Variants in TGFA observed in about 807,000 individuals in gnomAD.
TGFA encodes transforming growth factor alpha.
Under a neutral mutation model 21.7 loss-of-function variants are expected in TGFA, and 12 were observed. The ratio of observed to expected loss-of-function variants is 0.55; its 90% CI spans 0.35 to 0.90. The LOEUF (loss-of-function observed/expected upper bound fraction) is 0.90, where lower values mean the gene tolerates loss of function less well. TGFA is among the 40% of genes least tolerant of loss of function. The pLI, the probability that TGFA is intolerant of heterozygous loss-of-function variation, is 0.01. For missense variants in TGFA, 178 were observed against 210.8 expected, an observed-to-expected ratio of 0.84 and a Z score of 0.96; for synonymous variants, 79 against 88.1, an observed-to-expected ratio of 0.90 and a Z score of 0.58.
chr2:70,493,401 G>A (rs1482077876), intron 2 of TGFA, among the ~76,000 whole-genome samples: 1 of 152,136 alleles, frequency 6.6e-6, no homozygotes, highest in African/African-American at 2.4e-5. Flanking sequence ...AGTGATTTTA[G>A]CATAGGAGTC....
At chr2:70,508,714 C>G (rs1355171004) in intron 2 of TGFA, among the ~76,000 whole-genome samples, 2 of 152,200 alleles carry the variant, frequency 1.3e-5, no homozygotes, top group Non-Finnish European at 2.9e-5. Flanking sequence ...CTAAACTATT[C>G]AATTCCACTT....
At chr2:70,504,469 C>T (rs6753169) in intron 2 of TGFA, among the ~76,000 whole-genome samples, 2,300 of 79,188 alleles carry the variant, frequency 0.029, 111 homozygotes, top group African/African-American at 0.077. Flanking sequence ...TATATACACA[C>T]ATACATACAT....
intron 2 of TGFA, among the ~76,000 whole-genome samples, chr2:70,510,491 C>T (rs1672061100): frequency 6.6e-6 from 1 of 152,078 alleles, no homozygotes; most frequent in African/African-American, 2.4e-5. Flanking sequence ...GATTCAAGTC[C>T]AATAGATGAG....
In TGFA at chr2:70,547,855, CTA is replaced by C. The variant is rs1372697395; in HGVS notation, c.40+5871_40+5872del. Among the ~76,000 whole-genome samples, 4 of 144,696 alleles carry C rather than the reference CTA, an allele frequency of 2.8e-5. No homozygotes were observed. In the East Asian group the frequency reaches 7.3e-4, roughly 26 times the overall value. 94.9% of individuals were successfully genotyped at this position (144,696 alleles called of 152,430 possible). A position where few individuals can be genotyped will look rare whatever the true frequency, so the allele number is the denominator to read the frequency against. On this transcript the variant is annotated intron_variant, in intron 1 of 5. Coordinates refer to ENST00000295400, the MANE Select transcript of TGFA (RefSeq NM_003236.4). ...TAGATATATATAGAGATATATATAT[CTA>C]TATATAGAGAGATATATATATCTAT...
intron 2 of TGFA, among the ~76,000 whole-genome samples, chr2:70,507,209 G>T (rs1305960208): frequency 6.6e-6 from 1 of 152,238 alleles, no homozygotes; most frequent in Non-Finnish European, 1.5e-5. Flanking sequence ...CTGCAAGGCC[G>T]AGGCAGCCTG....
At chr2:70,494,908 C>T (rs782337066) in intron 2 of TGFA, among the ~76,000 whole-genome samples, 10 of 152,176 alleles carry the variant, frequency 6.6e-5, no homozygotes, top group East Asian at 3.9e-4. Context: ...CTAGCAAATA[C>T]GGATTTTATT....
chr2:70,542,622 G>T (rs1363059699), intron 1 of TGFA, among the ~76,000 whole-genome samples: 1 of 152,162 alleles, frequency 6.6e-6, no homozygotes, highest in African/African-American at 2.4e-5. Flanking sequence ...GGTTTTTAAG[G>T]TGTATTTGGA....
At chr2:70,482,491 T>C (rs1242225795) in intron 2 of TGFA, among the ~76,000 whole-genome samples, 2 of 152,172 alleles carry the variant, frequency 1.3e-5, no homozygotes, top group African/African-American at 4.8e-5. Context: ...AGAACTTAGT[T>C]CTCCATCAAT....
intron 4 of TGFA, 107 bp downstream of exon 4, chr2:70,456,223 TCAGACATCC>T: frequency 7.4e-7 from 1 of 1,357,624 alleles, no homozygotes; most frequent in Non-Finnish European, 9.9e-7. Flanking sequence ...CTGACAGCAC[TCAGACATCC>T]CAGAAATAAG....
intron 2 of TGFA, among the ~76,000 whole-genome samples, chr2:70,497,343 T>C (rs1178170979): frequency 6.6e-6 from 1 of 152,240 alleles, no homozygotes; most frequent in Non-Finnish European, 1.5e-5. Flanking sequence ...TTTTAACTAT[T>C]TTCTTTGCAA....
chr2:70,526,022 T>TG (rs1443595822), intron 1 of TGFA, among the ~76,000 whole-genome samples: 3 of 152,210 alleles, frequency 2.0e-5, no homozygotes, highest in Admixed American at 6.5e-5. Flanking sequence ...CAACTGTATA[T>TG]GGGCAGATGT....
intron 1 of TGFA, among the ~76,000 whole-genome samples, chr2:70,544,344 A>G (rs1412599845): frequency 6.6e-6 from 1 of 151,822 alleles, no homozygotes; most frequent in African/African-American, 2.4e-5. Context: ...ATATTTAATA[A>G]GAGATTAAAA....
chr2:70,518,715 AC>A (rs781872517), intron 1 of TGFA, among the ~76,000 whole-genome samples: 17 of 151,898 alleles, frequency 1.1e-4, no homozygotes, highest in Non-Finnish European at 2.2e-4. Flanking sequence ...ATCATCAACC[AC>A]CCATTGGCCT....
chr2:70,532,538 A>T (rs561322130), intron 1 of TGFA, among the ~76,000 whole-genome samples: 2 of 152,322 alleles, frequency 1.3e-5, no homozygotes, highest in East Asian at 3.9e-4. Context: ...CCTCTTCCTC[A>T]TTCACAAGGG....
intron 1 of TGFA, among the ~76,000 whole-genome samples, chr2:70,546,744 G>C (rs1233655724): frequency 6.6e-6 from 1 of 151,990 alleles, no homozygotes; most frequent in African/African-American, 2.4e-5. Context: ...AGCCATGGTG[G>C]GAGTCTCACT....
At position 70,519,338 on chromosome 2, in the gene TGFA, T is replaced by C. The variant is rs145707528; in HGVS notation, c.41-4426A>G. On this transcript the variant is annotated intron_variant, in intron 1 of 5. Coordinates refer to ENST00000295400, the MANE Select transcript of TGFA (RefSeq NM_003236.4). ...CCACACAGAACCCAGGGCCAGATAG[T>C]ATAGGTTCATGGCATCTTCCCTTAT... is the stretch of plus-strand genomic sequence containing the variant. Among the ~76,000 whole-genome samples, 58 of 152,296 alleles carry C rather than the reference T, an allele frequency of 3.8e-4. No homozygotes were observed. In the East Asian group the frequency reaches 0.011, roughly 28 times the overall value.
intron 1 of TGFA, among the ~76,000 whole-genome samples, chr2:70,551,903 G>C (rs1673522793): frequency 6.6e-6 from 1 of 152,134 alleles, no homozygotes; most frequent in African/African-American, 2.4e-5. Context: ...GAGAATTCTG[G>C]GATGGGAGTG....
intron 1 of TGFA, among the ~76,000 whole-genome samples, chr2:70,538,767 C>T (rs564500481): frequency 3.4e-4 from 51 of 152,172 alleles, no homozygotes; most frequent in Non-Finnish European, 5.6e-4. Context: ...GTGGAAATGA[C>T]AACACAGGAC....
chr2:70,528,524 C>CGGG (rs1672712214), intron 1 of TGFA, among the ~76,000 whole-genome samples: 1 of 34,276 alleles, frequency 2.9e-5, no homozygotes, highest in East Asian at 7.1e-4. Context: ...ATGTGGGGGG[C>CGGG]GGGTGGGTCT....
Sources: allele counts gnomAD v4.1 joint callset (sites outside exome capture counted in the v4.1 genomes callset), GRCh38; gene constraint gnomAD v4.1.1; transcripts MANE v1.5; gene names NCBI Gene and HGNC (gene_info 2026-07-23, HGNC 2026-07-21).